The following PAX7 variants were observed in gnomAD, a reference collection of about 807,000 sequenced individuals.
The protein encoded by PAX7 is paired box 7.
A neutral mutation model predicts 50.7 loss-of-function variants in PAX7; 18 were observed. The observed-to-expected ratio is 0.36, with a 90% CI of 0.25 to 0.53. The LOEUF (loss-of-function observed/expected upper bound fraction) is 0.53, where lower values mean the gene tolerates loss of function less well. Ranked by LOEUF, PAX7 falls within the 20% of genes least tolerant of loss-of-function variation. PAX7 has a pLI of 0.93. For missense variants in PAX7, 644 were observed against 702.9 expected (o/e 0.92, Z 0.95); for synonymous variants, 310 against 290.4 (o/e 1.07, Z -0.69).
intron 7 of PAX7, among the ~76,000 whole-genome samples, chr1:18,707,411 CTTTCTTTTTTTTTTT>C (rs2089297554): frequency 1.1e-5 from 1 of 91,218 alleles, no homozygotes; most frequent in Admixed American, 1.5e-4. Flanking sequence ...TTCTTTTTTT[CTTTCTTTTTTTTTTT>C]TTTTTTTTTT....
chr1:18,691,873 T>A lies in PAX7; in HGVS notation c.706T>A (p.Phe236Ile), dbSNP rs2089075889. 1 of 1,613,818 alleles carries A rather than the reference T, an allele frequency of 6.2e-7. No individual in the cohort carries two copies. The highest frequency in any genetic ancestry group is 1.3e-5 in the African/African-American group (1 of 74,924). Residue 236 changes from phenylalanine to isoleucine, a missense_variant, in exon 5 of 9, where the codon TTT becomes ATT. Coordinates refer to ENST00000420770, the MANE Select transcript of PAX7 (RefSeq NM_001135254.2). ...AEQLEELEKA[F>I]ERTHYPDIYT... Reference sequence around the variant, plus strand: ...GCAGCTGGAGGAGCTGGAGAAGGCCTTTGAGAGGACCCACTACCCAGACAT... The same window carrying A: ...GCAGCTGGAGGAGCTGGAGAAGGCCATTGAGAGGACCCACTACCCAGACAT...
intron 7 of PAX7, among the ~76,000 whole-genome samples, chr1:18,732,858 G>A (rs978888482): frequency 3.9e-5 from 6 of 152,100 alleles, no homozygotes; most frequent in Admixed American, 6.5e-5. Flanking sequence ...TCCGGGCTTG[G>A]CATCCTGGGG....
chr1:18,641,710 G>T (rs2088258275), intron 4 of PAX7, among the ~76,000 whole-genome samples: 1 of 152,220 alleles, frequency 6.6e-6, no homozygotes, highest in South Asian at 2.1e-4. Flanking sequence ...ACGAGGCTGG[G>T]GGAAGACTTC....
Position 18,640,415 on chromosome 1 carries a change from T to G in PAX7, c.586+4044T>G, listed in dbSNP as rs545584100. On this transcript the variant is annotated intron_variant, in intron 4 of 8. Transcript: ENST00000420770. ...GCACGGCTCCCCTCAGCCCACACCA[T>G]TTTTTCGGCTTCACACCTGGAAGGG... Among the ~76,000 whole-genome samples the G allele has an allele frequency of 6.6e-5, 10 of 151,776 alleles. No homozygotes were observed. In the South Asian group the frequency reaches 2.1e-3, roughly 32 times the overall value.
chr1:18,681,750 ATTTTTAT>A (rs2088905214), intron 4 of PAX7, among the ~76,000 whole-genome samples: 2 of 113,864 alleles, frequency 1.8e-5, no homozygotes, highest in South Asian at 6.0e-4. Flanking sequence ...ATTTTATTTT[ATTTTTAT>A]TTTTATTTTT....
intron 4 of PAX7, among the ~76,000 whole-genome samples, chr1:18,666,004 T>G (rs1003136239): frequency 9.9e-5 from 15 of 151,882 alleles, no homozygotes; most frequent in African/African-American, 3.6e-4. Flanking sequence ...AATGGTGAAG[T>G]TTTCCTGTAG....
intron 5 of PAX7, among the ~76,000 whole-genome samples, chr1:18,694,484 A>G (rs866667367): frequency 3.3e-4 from 46 of 138,106 alleles, no homozygotes; most frequent in African/African-American, 1.1e-3. Flanking sequence ...AAATAAATAA[A>G]TAAATAAATA....
At chr1:18,725,554 G>A (rs1355529585) in intron 7 of PAX7, among the ~76,000 whole-genome samples, 2 of 152,204 alleles carry the variant, frequency 1.3e-5, no homozygotes, top group African/African-American at 2.4e-5. Context: ...AGGGAAGGGA[G>A]GGGGAGGAGA....
chr1:18,686,917 G>A (rs1212459997), intron 4 of PAX7, among the ~76,000 whole-genome samples: 1 of 147,668 alleles, frequency 6.8e-6, no homozygotes, highest in African/African-American at 2.5e-5. Flanking sequence ...TTGAGACAGA[G>A]TCTTGCTCTG....
intron 7 of PAX7, among the ~76,000 whole-genome samples, chr1:18,713,966 T>C (rs1365721948): frequency 1.3e-5 from 2 of 152,190 alleles, no homozygotes; most frequent in Non-Finnish European, 1.5e-5. Context: ...ATCCCAGCAC[T>C]TTGGGAGGCC....
intron 4 of PAX7, among the ~76,000 whole-genome samples, chr1:18,676,585 G>T (rs2088825140): frequency 6.6e-6 from 1 of 152,144 alleles, no homozygotes; most frequent in Non-Finnish European, 1.5e-5. Context: ...GAAAAGAGGG[G>T]GATTGGGGGA....
In PAX7 at chr1:18,735,849, C is replaced by T. The variant is rs1273989275; in HGVS notation, c.1373C>T (p.Ala458Val). 4 of 1,614,024 alleles carry T rather than the reference C, an allele frequency of 2.5e-6. No homozygotes were observed. Among genetic ancestry groups the T allele is most frequent in the African/African-American group, 2.7e-5 (2 of 74,936 alleles). The change falls in exon 8 of 9, where the codon GCC (alanine) becomes GTC (valine). Residue 458 changes from alanine (A) to valine (V), a missense_variant. Ala to Val is a moderately conservative substitution (Grantham distance 64, BLOSUM62 0). Coordinates refer to ENST00000420770, the MANE Select transcript of PAX7 (RefSeq NM_001135254.2). The surrounding 1 kb of genome is among the most constrained non-coding windows in gnomAD (Gnocchi z 4.0). ...STTGYSVDPV[A>V]GYQYGQYGQT... ...ACCGGCTACAGCGTGGACCCCGTGG[C>T]CGGCTATCAGTACGGCCAGTACGGC...
intron 7 of PAX7, among the ~76,000 whole-genome samples, chr1:18,707,586 C>T (rs2089300864): frequency 6.6e-6 from 1 of 151,906 alleles, no homozygotes; most frequent in Non-Finnish European, 1.5e-5. Context: ...CCATGCCCAG[C>T]TAATTTTTTT....
At position 18,724,746 on chromosome 1, in the gene PAX7, C is replaced by T. The variant is rs148027925; in HGVS notation, c.1156-10886C>T. On this transcript the variant is annotated intron_variant, in intron 7 of 8. Coordinates refer to ENST00000420770, the MANE Select transcript of PAX7 (RefSeq NM_001135254.2). The stretch of plus-strand genomic sequence containing the variant: ...AAATTATTTAGCTTTCTAGAGCCTC[C>T]GTTTCCTGATCTTGAAAATGGAACA... Among the ~76,000 whole-genome samples, 489 of 152,322 alleles carry T rather than the reference C, an allele frequency of 3.2e-3. 3 individuals carry two copies. Among genetic ancestry groups the T allele is most frequent in the African/African-American group, 0.011 (458 of 41,556 alleles).
chr1:18,692,935 T>C (rs1273320227), intron 5 of PAX7, among the ~76,000 whole-genome samples: 1 of 152,110 alleles, frequency 6.6e-6, no homozygotes, highest in Non-Finnish European at 1.5e-5. Context: ...CCTGGGGACA[T>C]TGCCTCACCT....
intron 7 of PAX7, among the ~76,000 whole-genome samples, chr1:18,715,593 G>C (rs2089410201): frequency 6.6e-6 from 1 of 152,152 alleles, no homozygotes; most frequent in Non-Finnish European, 1.5e-5. Flanking sequence ...GGGGGGTCAA[G>C]ATGCATGCTA....
At chr1:18,653,296 G>C (rs190228657) in intron 4 of PAX7, among the ~76,000 whole-genome samples, 1 of 151,952 alleles carries the variant, frequency 6.6e-6, no homozygotes, top group African/African-American at 2.4e-5. Context: ...TTGGGAATTA[G>C]TTGCAAGATA....
At chr1:18,717,205 G>A (rs1325801982) in intron 7 of PAX7, among the ~76,000 whole-genome samples, 8 of 152,250 alleles carry the variant, frequency 5.3e-5, no homozygotes, top group African/African-American at 1.7e-4. Flanking sequence ...CGCTGCCCGG[G>A]CCTGGGATCC....
At chr1:18,669,485 G>A (rs1415031293) in intron 4 of PAX7, among the ~76,000 whole-genome samples, 1 of 152,158 alleles carries the variant, frequency 6.6e-6, no homozygotes, top group Non-Finnish European at 1.5e-5. Context: ...ACTGACTGCC[G>A]TGTGACCTCT....
Sources: allele counts gnomAD v4.1 joint callset (sites outside exome capture counted in the v4.1 genomes callset), GRCh38; gene constraint gnomAD v4.1.1; non-coding constraint Gnocchi (gnomAD v3.1); transcripts MANE v1.5; gene names NCBI Gene and HGNC (gene_info 2026-07-23, HGNC 2026-07-21).